CEP55: variants seen among roughly 807,000 people sequenced by gnomAD.
The protein encoded by CEP55 is centrosomal protein of 55 kDa.
In CEP55, 57 loss-of-function variants were observed where a neutral mutation model predicts 63.2. The ratio of observed to expected loss-of-function variants is 0.90; its 90% CI spans 0.73 to 1.13. The LOEUF (loss-of-function observed/expected upper bound fraction) is 1.13, where lower values mean the gene tolerates loss of function less well. CEP55 is among the 50% of genes most tolerant of loss of function. The pLI, the probability that CEP55 is intolerant of heterozygous loss-of-function variation, is 0.00. For missense variants in CEP55, 456 were observed against 518.9 expected (o/e 0.88, Z 1.18); for synonymous variants, 178 against 191.6 (o/e 0.93, Z 0.59).
intron 8 of CEP55, among the ~76,000 whole-genome samples, chr10:93,525,099 G>A (rs1181410546): frequency 2.6e-5 from 4 of 151,736 alleles, no homozygotes; most frequent in Admixed American, 1.3e-4. Flanking sequence ...GGGCAATCAG[G>A]CAGGAGAAGG....
intron 1 of CEP55, among the ~76,000 whole-genome samples, chr10:93,497,387 T>G (rs893464951): frequency 1.3e-5 from 2 of 152,206 alleles, no homozygotes; most frequent in Non-Finnish European, 2.9e-5. Flanking sequence ...TTCCTCAGCC[T>G]CCTGAATAGC....
intron 4 of CEP55, among the ~76,000 whole-genome samples, chr10:93,511,687 C>T (rs11187488): frequency 0.52 from 79,542 of 151,762 alleles, 21,511 homozygotes; most frequent in Middle Eastern, 0.59. Context: ...ACTGCAACCT[C>T]CACCTCCTGG....
In CEP55 at chr10:93,500,297, C is replaced by A. The variant is rs1472944937; in HGVS notation, c.183+63C>A. The A allele has an allele frequency of 2.3e-6, 3 of 1,287,660 alleles. No homozygotes were observed. In the East Asian group the frequency reaches 6.9e-5, roughly 30 times the overall value. The allele number at this position is 1,287,660 out of a possible 1,614,324, so 79.8% of individuals were successfully genotyped here. A position where few individuals can be genotyped will look rare whatever the true frequency, so the allele number is the denominator to read the frequency against. ...CAAGAAAGCGATGCATGAAGATTTC[C>A]TGATGCTACCTTCTTACTCTTGCCG... is the stretch of plus-strand genomic sequence containing the variant. On this transcript the variant is annotated intron_variant, in intron 2 of 8. Coordinates refer to ENST00000371485, the MANE Select transcript of CEP55 (RefSeq NM_018131.5).
chr10:93,503,973 C>CTT (rs774307972), intron 3 of CEP55, among the ~76,000 whole-genome samples: 3 of 138,608 alleles, frequency 2.2e-5, no homozygotes, highest in South Asian at 2.3e-4. Flanking sequence ...ATCTTAGTTT[C>CTT]TTTTTTTTTT....
chr10:93,522,290 G>A (rs898739878), intron 8 of CEP55, among the ~76,000 whole-genome samples: 2 of 152,210 alleles, frequency 1.3e-5, no homozygotes, highest in African/African-American at 4.8e-5. Flanking sequence ...CATGACGAAT[G>A]CACAAGCCTC....
chr10:93,502,883 T>G (rs1156314010), intron 2 of CEP55, among the ~76,000 whole-genome samples: 1 of 152,248 alleles, frequency 6.6e-6, no homozygotes, highest in East Asian at 1.9e-4. Context: ...TGTGCTCATT[T>G]TTTAATCTGT....
chr10:93,523,245 T>C (rs1290788400), intron 8 of CEP55, among the ~76,000 whole-genome samples: 2 of 152,030 alleles, frequency 1.3e-5, no homozygotes, highest in Non-Finnish European at 2.9e-5. Context: ...TTGAGGAAGA[T>C]CTACCAAGCA....
At chr10:93,516,131 G>C (rs941750999) in intron 5 of CEP55, among the ~76,000 whole-genome samples, 1 of 152,162 alleles carries the variant, frequency 6.6e-6, no homozygotes, top group Admixed American at 6.5e-5. Flanking sequence ...AATAGGTTTA[G>C]CAATTCTAGA....
In CEP55 at chr10:93,503,218, A is replaced by G. The variant is rs1218260575; in HGVS notation, c.289A>G (p.Thr97Ala). Residue 97 changes from threonine to alanine, a missense_variant, in exon 3 of 9, where the codon ACT becomes GCT. Physicochemically the swap from Thr to Ala is moderately conservative, Grantham distance 58. Coordinates refer to ENST00000371485, the MANE Select transcript of CEP55 (RefSeq NM_018131.5). ...AGACCAACTGAAGGCCAGATATAGT[A>G]CTACCACATTGCTTGAACAGCTGGA... ...LRDQLKARYS[T>A]TTLLEQLEET... The G allele has an allele frequency of 6.2e-7, 1 of 1,614,048 alleles. No homozygotes were observed. The highest frequency in any genetic ancestry group is 1.3e-5 in the African/African-American group (1 of 75,046).
At chr10:93,502,211 G>C (rs2057642932) in intron 2 of CEP55, among the ~76,000 whole-genome samples, 1 of 152,036 alleles carries the variant, frequency 6.6e-6, no homozygotes, top group African/African-American at 2.4e-5. Flanking sequence ...ATATGTTCTG[G>C]AAAACACAGA....
In CEP55 at chr10:93,511,561, G is replaced by A. The variant is rs1331539671; in HGVS notation, c.529-3844G>A. ...GAATCTTCAACTAACATGTATTTTT[G>A]TTTCTCATACTTAAGTGATGTATGG... On this transcript the variant is annotated intron_variant, in intron 4 of 8. Transcript: ENST00000371485. Among the ~76,000 whole-genome samples, 16 of 150,900 alleles carry A rather than the reference G, an allele frequency of 1.1e-4. No individual in the cohort carries two copies. The East Asian group carries it at 3.1e-3, about 29-fold the overall frequency.
intron 7 of CEP55, among the ~76,000 whole-genome samples, chr10:93,519,470 A>G (rs1359132154): frequency 6.6e-6 from 1 of 152,220 alleles, no homozygotes; most frequent in Non-Finnish European, 1.5e-5. Flanking sequence ...TCATTCACCT[A>G]TACCTCAGCG....
rs769344399 is a variant in CEP55 at position 93,519,813 on chromosome 10, T to C, written c.1191+6T>C. 6 of 1,613,864 alleles carry C rather than the reference T, an allele frequency of 3.7e-6. No homozygotes were observed. The highest frequency in any genetic ancestry group is 5.1e-6 in the Non-Finnish European group (6 of 1,179,986). On this transcript the variant is annotated splice_donor_region_variant and intron_variant, in intron 8 of 8. Transcript: ENST00000371485. ...TAACACAGTTGGAATCCTTGGTGAG[T>C]CTGGAATGATTAAACTAAAATTTGT...
chr10:93,498,741 C>G (rs955408598), intron 1 of CEP55, among the ~76,000 whole-genome samples: 3 of 151,648 alleles, frequency 2.0e-5, no homozygotes, highest in African/African-American at 7.3e-5. Flanking sequence ...ATTCATGAAC[C>G]CTTGTTTGTT....
chr10:93,519,376 T>C (rs1312314531), intron 7 of CEP55, among the ~76,000 whole-genome samples: 1 of 152,220 alleles, frequency 6.6e-6, no homozygotes, highest in Non-Finnish European at 1.5e-5. Flanking sequence ...AGGGAATAGC[T>C]ATCTCTTTCC....
chr10:93,519,189 A>G, intron 7 of CEP55: 2 of 467,156 alleles, frequency 4.3e-6, no homozygotes, highest in Non-Finnish European at 3.8e-6. Flanking sequence ...TTTTCTTGAC[A>G]GGTAGATGTT....
chr10:93,501,109 G>A (rs1335366215), intron 2 of CEP55, among the ~76,000 whole-genome samples: 2 of 152,130 alleles, frequency 1.3e-5, no homozygotes. Context: ...GTATTAAATA[G>A]TGTTCAGATT....
intron 2 of CEP55, among the ~76,000 whole-genome samples, chr10:93,501,584 G>A (rs746059461): frequency 9.9e-5 from 15 of 151,834 alleles, no homozygotes; most frequent in East Asian, 1.9e-4. Context: ...CAGGAGAATC[G>A]CATGAACCCA....
Position 93,518,890 on chromosome 10 carries a change from A to G in CEP55, c.1007A>G (p.Tyr336Cys). 1 of 1,610,358 alleles carries G rather than the reference A, an allele frequency of 6.2e-7. No homozygotes were observed. The highest frequency in any genetic ancestry group is 1.1e-5 in the South Asian group (1 of 90,846). Residue 336 changes from tyrosine to cysteine, a missense_variant, in exon 7 of 9, where the codon TAC (tyrosine) becomes TGC (cysteine). Physicochemically the swap from Tyr to Cys is radical, Grantham distance 194 (BLOSUM62 -2). Coordinates refer to ENST00000371485, the MANE Select transcript of CEP55 (RefSeq NM_018131.5). ...TATGTCCTACAGGTCCAGTTTCTTTACACATCTCTGCTAAAGCAGCAAGAA... is the reference window on the plus strand; with the variant it reads ...TATGTCCTACAGGTCCAGTTTCTTTGCACATCTCTGCTAAAGCAGCAAGAA... Reference protein sequence around the residue: ...EELLSQVQFLYTSLLKQQEEQ... With the variant: ...EELLSQVQFLCTSLLKQQEEQ...
Sources: allele counts gnomAD v4.1 joint callset (sites outside exome capture counted in the v4.1 genomes callset), GRCh38; gene constraint gnomAD v4.1.1; transcripts MANE v1.5; gene names NCBI Gene and HGNC (gene_info 2026-07-23, HGNC 2026-07-21).